The following OXR1 variants were observed in gnomAD, a reference collection of about 807,000 sequenced individuals.
The protein encoded by OXR1 is oxidation resistance 1.
A neutral mutation model predicts 104.6 loss-of-function variants in OXR1; 41 were observed. That is an observed-to-expected ratio of 0.39 (90% CI 0.31 to 0.51). The LOEUF is 0.51. OXR1 is among the 20% of genes least tolerant of loss of function. The pLI, the probability that OXR1 is intolerant of heterozygous loss-of-function variation, is 0.77. For synonymous variants in OXR1, 348 were observed against 348.4 expected (o/e 1.00, Z 0.01); for missense variants, 955 against 1,031.9 (o/e 0.93, Z 1.02).
chr8:106,498,642 AGTGT>A (rs1198139184), intron 2 of OXR1, among the ~76,000 whole-genome samples: 1 of 151,708 alleles, frequency 6.6e-6, no homozygotes, highest in Non-Finnish European at 1.5e-5. Context: ...TGTGTGTGTG[AGTGT>A]GTGTGTGAGT....
At chr8:106,718,768 G>T (rs1228360746) in intron 11 of OXR1, among the ~76,000 whole-genome samples, 1 of 151,806 alleles carries the variant, frequency 6.6e-6, no homozygotes, top group African/African-American at 2.4e-5. Flanking sequence ...GAACCTGGGA[G>T]GTGGAGCGTG....
chr8:106,599,413 T>C (rs1444279782), intron 3 of OXR1, among the ~76,000 whole-genome samples: 2 of 152,204 alleles, frequency 1.3e-5, no homozygotes, highest in East Asian at 3.8e-4. Context: ...TCTTACTATA[T>C]ATATTTTTTC....
chr8:106,470,525 A>G (rs1353412482), intron 2 of OXR1, among the ~76,000 whole-genome samples: 2 of 151,790 alleles, frequency 1.3e-5, no homozygotes, highest in East Asian at 3.9e-4. Context: ...TTTAGTTTGG[A>G]CATGTGAACC....
At chr8:106,443,394 G>A (rs1223292333) in intron 2 of OXR1, among the ~76,000 whole-genome samples, 1 of 151,946 alleles carries the variant, frequency 6.6e-6, no homozygotes, top group Non-Finnish European at 1.5e-5. Flanking sequence ...GTTGATTTGG[G>A]GTAGAGAGTT....
intron 3 of OXR1, among the ~76,000 whole-genome samples, chr8:106,584,990 T>A (rs1818522530): frequency 6.6e-6 from 1 of 152,258 alleles, no homozygotes; most frequent in East Asian, 1.9e-4. Flanking sequence ...TATGTGGAAC[T>A]TTGATAAAAA....
At chr8:106,502,714 A>ACCAT (rs1811891196) in intron 2 of OXR1, among the ~76,000 whole-genome samples, 1 of 152,216 alleles carries the variant, frequency 6.6e-6, no homozygotes, top group East Asian at 1.9e-4. Context: ...GTAAAAGAAA[A>ACCAT]CTTGACCATC....
intron 2 of OXR1, among the ~76,000 whole-genome samples, chr8:106,391,875 A>C (rs1446868403): frequency 6.6e-6 from 1 of 152,160 alleles, no homozygotes; most frequent in Non-Finnish European, 1.5e-5. Context: ...AGTACCAATC[A>C]AAACACTGAG....
intron 6 of OXR1, among the ~76,000 whole-genome samples, chr8:106,688,546 G>A (rs1828971311): frequency 6.6e-6 from 1 of 152,096 alleles, no homozygotes; most frequent in Non-Finnish European, 1.5e-5. Flanking sequence ...AGGATAGGCT[G>A]TGATTATACT....
chr8:106,665,143 A>G (rs1826146909), intron 3 of OXR1, among the ~76,000 whole-genome samples: 1 of 152,216 alleles, frequency 6.6e-6, no homozygotes, highest in African/African-American at 2.4e-5. Flanking sequence ...TGTCCTGCTC[A>G]TGGCACAAGG....
intron 1 of OXR1, among the ~76,000 whole-genome samples, chr8:106,302,518 G>A (rs968043300): frequency 2.6e-5 from 4 of 151,084 alleles, no homozygotes; most frequent in Admixed American, 6.6e-5. Context: ...CCCGGGAGGC[G>A]GAGCTTGCAG....
At chr8:106,629,228 T>C (rs1177408257) in intron 3 of OXR1, among the ~76,000 whole-genome samples, 2 of 152,064 alleles carry the variant, frequency 1.3e-5, no homozygotes, top group Non-Finnish European at 2.9e-5. Flanking sequence ...TTAAGTCTGC[T>C]ATTCAAGTCT....
intron 11 of OXR1, among the ~76,000 whole-genome samples, chr8:106,719,023 T>A (rs1399855384): frequency 3.9e-5 from 6 of 152,174 alleles, no homozygotes; most frequent in African/African-American, 7.2e-5. Context: ...GTCTTGCTTT[T>A]GGGGATCTGA....
intron 2 of OXR1, among the ~76,000 whole-genome samples, chr8:106,395,308 A>T (rs552254214): frequency 1.3e-5 from 2 of 152,168 alleles, no homozygotes; most frequent in African/African-American, 2.4e-5. Flanking sequence ...AAAGATTTTC[A>T]TGCTGCTGAT....
intron 11 of OXR1, among the ~76,000 whole-genome samples, chr8:106,723,319 G>T (rs962344636): frequency 6.6e-6 from 1 of 152,038 alleles, no homozygotes; most frequent in South Asian, 2.1e-4. Flanking sequence ...GTGAAACCCC[G>T]TCTCTACTAA....
intron 3 of OXR1, among the ~76,000 whole-genome samples, chr8:106,548,400 A>G (rs529562113): frequency 4.0e-4 from 61 of 152,344 alleles, no homozygotes; most frequent in African/African-American, 1.4e-3. Flanking sequence ...GGAACAGGCC[A>G]GAAACTTTCT....
At chr8:106,544,592 A>G (rs1396250054) in intron 3 of OXR1, among the ~76,000 whole-genome samples, 4 of 152,220 alleles carry the variant, frequency 2.6e-5, no homozygotes, top group Admixed American at 2.6e-4. Context: ...TGACTGACAT[A>G]GCACTACGAA....
At chr8:106,653,264 A>G (rs1580289) in intron 3 of OXR1, among the ~76,000 whole-genome samples, 92,213 of 151,306 alleles carry the variant, frequency 0.61, 29,191 homozygotes, top group African/African-American at 0.79. Context: ...TTCATTGTCA[A>G]AGGCCAGTAT....
chr8:106,748,275 C>T (rs1036405443), intron 16 of OXR1, among the ~76,000 whole-genome samples: 3 of 152,186 alleles, frequency 2.0e-5, no homozygotes, highest in Non-Finnish European at 4.4e-5. Context: ...ATGATGGCTT[C>T]CTCATGGGAC....
In OXR1 at chr8:106,663,655, C is replaced by G. The variant is rs144132991; in HGVS notation, c.221-15555C>G. 2.0e-5 allele frequency among the ~76,000 whole-genome samples: 3 copies of G among 152,252 alleles called. No homozygotes were observed. The South Asian group carries it at 6.2e-4, about 32-fold the overall frequency. On this transcript the variant is annotated intron_variant, in intron 3 of 16. Transcript: ENST00000517566. ...TGCACAGCGGGAGGTAAGCAGCAAG[C>G]GAGCCAGCATTACTGCCTGAGCTCT... is the stretch of plus-strand genomic sequence containing the variant.
Sources: allele counts gnomAD v4.1 joint callset (sites outside exome capture counted in the v4.1 genomes callset), GRCh38; gene constraint gnomAD v4.1.1; transcripts MANE v1.5; gene names NCBI Gene and HGNC (gene_info 2026-07-23, HGNC 2026-07-21).